Variants in BAX observed in about 807,000 individuals in gnomAD.
BAX encodes apoptosis regulator BAX.
A neutral mutation model predicts 26.8 loss-of-function variants in BAX; 21 were observed. The ratio of observed to expected loss-of-function variants is 0.78; its 90% CI spans 0.56 to 1.13. The LOEUF (loss-of-function observed/expected upper bound fraction) is 1.13, where lower values mean the gene tolerates loss of function less well. Ranked by LOEUF, BAX falls within the 50% of genes most tolerant of loss-of-function variation. The pLI is 0.00. For synonymous variants in BAX, 110 were observed against 101.8 expected (o/e 1.08, Z -0.49); for missense variants, 236 against 254.6 (o/e 0.93, Z 0.50).
chr19:48,961,338 C>G, intron 5 of BAX, 194 bp from the exon 6 acceptor site: 1 of 1,322,772 alleles, frequency 7.6e-7, no homozygotes, highest in Non-Finnish European at 1.0e-6. Context: ...CCTCCCGCCT[C>G]AGCCTCTCAA....
chr19:48,959,052 C>T (rs970761134), intron 4 of BAX, among the ~76,000 whole-genome samples: 1 of 151,736 alleles, frequency 6.6e-6, no homozygotes, highest in African/African-American at 2.4e-5. Context: ...CTTCTCTGGT[C>T]CAGAAAAGTC....
At chr19:48,960,096 T>G in intron 4 of BAX, 1 of 329,038 alleles carries the variant, frequency 3.0e-6, no homozygotes, top group South Asian at 2.3e-5. Flanking sequence ...GGCTGCACTG[T>G]GCCTTCGGGT....
chr19:48,958,507 A>G (rs1319519596), intron 4 of BAX, among the ~76,000 whole-genome samples: 1 of 146,250 alleles, frequency 6.8e-6, no homozygotes, highest in Non-Finnish European at 1.5e-5. Flanking sequence ...TCTCCCCACC[A>G]CACCAGCAAA....
At chr19:48,957,292 T>TC (rs2038179386) in intron 4 of BAX, among the ~76,000 whole-genome samples, 1 of 139,486 alleles carries the variant, frequency 7.2e-6, no homozygotes, top group Non-Finnish European at 1.5e-5. Context: ...TTTTTTTTTT[T>TC]GAGACAGAGT....
chr19:48,958,372 T>TTTTTTTTTG (rs2038218981), intron 4 of BAX, among the ~76,000 whole-genome samples: 1 of 104,428 alleles, frequency 9.6e-6, no homozygotes, highest in Admixed American at 1.0e-4. Context: ...TTTTTTTTTT[T>TTTTTTTTTG]GATACAGGGT....
intron 4 of BAX, among the ~76,000 whole-genome samples, chr19:48,956,717 A>G (rs1313753045): frequency 6.9e-6 from 1 of 144,176 alleles, no homozygotes. Context: ...GTGCAATGGC[A>G]TGATCTTGGT....
rs761649356 is a variant in BAX, at chr19:48,955,848, G to C, written c.233+15G>C. 2.9e-5 allele frequency: 45 copies of C among 1,556,980 alleles called. 1 individual carries two copies. The highest frequency in any genetic ancestry group is 3.8e-5 in the Non-Finnish European group (44 of 1,149,302). The stretch of plus-strand genomic sequence containing the variant: ...GAGCTGCAGAGGTGTGGGCCCCTGA[G>C]GACCCAGAAGTCCAGCCACTGGGCT... On this transcript the variant is annotated intron_variant, in intron 3 of 5. Coordinates refer to ENST00000345358, the MANE Select transcript of BAX (RefSeq NM_138761.4).
Position 48,961,772 on chromosome 19 carries a change from G to A in BAX, c.*136G>A. ...GGGTGTGGGGAAGAGTGGTCTTGAG[G>A]GGGTAATAAACCTCCTTCGGGACAC... On this transcript the variant is annotated 3_prime_UTR_variant, in exon 6 of 6. Transcript: ENST00000345358. 1 of 813,124 alleles carries A rather than the reference G, an allele frequency of 1.2e-6. No individual in the cohort carries two copies. Among genetic ancestry groups the A allele is most frequent in the Non-Finnish European group, 1.9e-6 (1 of 520,036 alleles). The allele number at this position is 813,124 out of a possible 1,614,324, so 50.4% of individuals were successfully genotyped here. A position where few individuals can be genotyped will look rare whatever the true frequency, so the allele number is the denominator to read the frequency against.
intron 1 of BAX, 141 bp from the exon 2 acceptor site, chr19:48,955,407 C>T: frequency 2.2e-6 from 2 of 928,038 alleles, no homozygotes; most frequent in Non-Finnish European, 3.1e-6. Context: ...TGTCTGGGCC[C>T]CCCCGTCACT....
chr19:48,961,106 C>T (rs4645900), intron 5 of BAX, 192 bp downstream of exon 5: 49,127 of 1,572,748 alleles, frequency 0.031, 919 homozygotes, highest in Middle Eastern at 0.044. Context: ...GATCAATCCC[C>T]GATTCATCTA....
chr19:48,959,631 A>G (rs1174543427), intron 4 of BAX, among the ~76,000 whole-genome samples: 1 of 149,506 alleles, frequency 6.7e-6, no homozygotes, highest in Non-Finnish European at 1.5e-5. Flanking sequence ...CCTGACCAAC[A>G]TGGTGAAACC....
chr19:48,957,071 G>A (rs1013672732), intron 4 of BAX, among the ~76,000 whole-genome samples: 3 of 150,240 alleles, frequency 2.0e-5, no homozygotes, highest in East Asian at 2.0e-4. Flanking sequence ...TGATCGGGGG[G>A]AAGAGGCATC....
In BAX at chr19:48,955,676, C is replaced by T. The variant is rs2038095935; in HGVS notation, c.87-11C>T. ...TTCTGATTCTGCACCCTCACTCCAT[C>T]CCCACTCTAGTTTCATCCAGGATCG... On this transcript the variant is annotated splice_polypyrimidine_tract_variant and intron_variant, in intron 2 of 5. Transcript: ENST00000345358. 6.2e-7 allele frequency: 1 copy of T among 1,611,718 alleles called. No individual in the cohort carries two copies. The highest frequency in any genetic ancestry group is 1.3e-5 in the African/African-American group (1 of 74,862).
At chr19:48,956,640 G>A (rs1020448431) in intron 4 of BAX, among the ~76,000 whole-genome samples, 7 of 151,232 alleles carry the variant, frequency 4.6e-5, no homozygotes, top group African/African-American at 1.7e-4. Context: ...AGAGTGGTCA[G>A]GAAAGATTTC....
At chr19:48,956,126 C>A in intron 3 of BAX, 72 bp from the exon 4 acceptor site, 1 of 1,438,814 alleles carries the variant, frequency 7.0e-7, no homozygotes, top group African/African-American at 1.5e-5. Context: ...CTTTAGTGTG[C>A]GGTGGATGCG....
chr19:48,959,813 C>A (rs1456658986), intron 4 of BAX, among the ~76,000 whole-genome samples: 1 of 141,262 alleles, frequency 7.1e-6, no homozygotes. Flanking sequence ...GCAACAAGAT[C>A]AAAACTCTAT....
intron 3 of BAX, 150 bp from the exon 4 acceptor site, chr19:48,956,048 C>G: frequency 9.1e-6 from 11 of 1,204,702 alleles, no homozygotes; most frequent in Non-Finnish European, 1.2e-5. Context: ...CTGTCTTGTC[C>G]CCTTCCCTTG....
intron 5 of BAX, 24 bp from the exon 6 acceptor site, chr19:48,961,508 A>G (rs1312641704): frequency 6.3e-7 from 1 of 1,575,618 alleles, no homozygotes; most frequent in African/African-American, 1.3e-5. Flanking sequence ...GAGTCACTGA[A>G]GCGACTGATG....
At chr19:48,955,122 T>A (rs35946201) in intron 1 of BAX, 160 bp downstream of exon 1, 53 of 866,546 alleles carry the variant, frequency 6.1e-5, no homozygotes, top group Non-Finnish European at 7.6e-5. Context: ...TCCTCGGAGG[T>A]TCCTGGCTCT....
Sources: allele counts gnomAD v4.1 joint callset (sites outside exome capture counted in the v4.1 genomes callset), GRCh38; gene constraint gnomAD v4.1.1; transcripts MANE v1.5; gene names NCBI Gene and HGNC (gene_info 2026-07-23, HGNC 2026-07-21).